PODN: variants seen among roughly 807,000 people sequenced by gnomAD.
The protein encoded by PODN is podocan proteoglycan.
A neutral mutation model predicts 52.7 loss-of-function variants in PODN; 40 were observed. The ratio of observed to expected loss-of-function variants is 0.76; its 90% confidence interval spans 0.59 to 0.99. The LOEUF is 0.99. Among genes scored for constraint, PODN ranks in the 50% least tolerant of loss-of-function variants. PODN has a pLI of 0.00. For synonymous variants in PODN, 396 were observed against 377.9 expected (o/e 1.05, Z -0.56); for missense variants, 720 against 815.1 (o/e 0.88, Z 1.42).
At chr1:53,075,389 G>C (rs775835727) in intron 4 of PODN, among the ~76,000 whole-genome samples, 10 of 152,156 alleles carry the variant, frequency 6.6e-5, no homozygotes, top group South Asian at 2.1e-4. Context: ...AGCCACAAAT[G>C]GTGCCTCTGG....
chr1:53,071,531 C>A lies in PODN; in HGVS notation c.313-4C>A. 6.2e-7 allele frequency: 1 copy of A among 1,613,046 alleles called. No homozygotes were observed. The highest frequency in any genetic ancestry group is 1.1e-5 in the South Asian group (1 of 90,970). Reference sequence around the variant, plus strand: ...TGCTTCCTTGCGGCCCCCTACCCCCCTAGAACAACCAGCTGGAAAAGATCT... The same window carrying A: ...TGCTTCCTTGCGGCCCCCTACCCCCATAGAACAACCAGCTGGAAAAGATCT... On this transcript the variant is annotated splice_region_variant and splice_polypyrimidine_tract_variant and intron_variant, in intron 2 of 10. Transcript: ENST00000312553.
rs745436823 is a variant in PODN, at chr1:53,080,779, G to A, written c.1564G>A (p.Glu522Lys). 2.5e-6 allele frequency: 4 copies of A among 1,614,088 alleles called. No homozygotes were observed. Among genetic ancestry groups the A allele is most frequent in the African/African-American group, 1.3e-5 (1 of 75,042 alleles). Residue 522 changes from glutamate (E) to lysine (K), a missense_variant, in exon 9 of 11, where the codon GAG becomes AAG. By Grantham distance (56) the Glu-to-Lys change is moderately conservative (BLOSUM62 1). Transcript: ENST00000312553. ...CACAGAGATCCCCGAGGGGCTCCCC[G>A]AGTCACTTGAGTACCTGTACCTGCA... ...QLTEIPEGLP[E>K]SLEYLYLQNN... is the part of the protein sequence containing the mutation.
At chr1:53,069,190 C>G (rs941554534) in intron 1 of PODN, among the ~76,000 whole-genome samples, 2 of 152,200 alleles carry the variant, frequency 1.3e-5, no homozygotes, top group African/African-American at 2.4e-5. Flanking sequence ...GCTGCTCCCC[C>G]TCTTCCCATG....
At chr1:53,067,978 A>G (rs576046105) in intron 1 of PODN, among the ~76,000 whole-genome samples, 18 of 151,316 alleles carry the variant, frequency 1.2e-4, no homozygotes, top group African/African-American at 3.2e-4. Flanking sequence ...AAGGAAAAGG[A>G]GCAGCAGCAG....
At chr1:53,068,487 G>T (rs1263376352) in intron 1 of PODN, among the ~76,000 whole-genome samples, 1 of 152,154 alleles carries the variant, frequency 6.6e-6, no homozygotes, top group Non-Finnish European at 1.5e-5. Context: ...GCAGCATGTT[G>T]CTGTGTGTCA....
intron 5 of PODN, 115 bp from the exon 6 acceptor site, chr1:53,077,075 C>A: frequency 2.3e-6 from 3 of 1,317,428 alleles, no homozygotes; most frequent in Non-Finnish European, 3.2e-6. Context: ...AACTCTGTAC[C>A]CTTGAGTTTG....
chr1:53,076,802 C>T (rs1162531666), intron 5 of PODN, among the ~76,000 whole-genome samples: 2 of 152,142 alleles, frequency 1.3e-5, no homozygotes, highest in Non-Finnish European at 2.9e-5. Flanking sequence ...CAGAGATAGG[C>T]CCTGTGTTTA....
chr1:53,070,256 T>C (rs931789293), intron 2 of PODN, 89 bp downstream of exon 2: 9 of 1,565,598 alleles, frequency 5.7e-6, no homozygotes, highest in Middle Eastern at 3.6e-4. Flanking sequence ...AAGCAAACTG[T>C]TCACCCAGAA....
rs764259810 is a variant in PODN at position 53,082,055 on chromosome 1, T to C, written c.1736T>C (p.Ile579Thr). Residue 579 changes from isoleucine to threonine, a missense_variant, in exon 10 of 11, where the codon ATT becomes ACT. Coordinates refer to ENST00000312553, the MANE Select transcript of PODN (RefSeq NM_153703.5). Reference protein sequence around the residue: ...RRLKHLQVLDIEGNLEFGDIS... With the variant: ...RRLKHLQVLDTEGNLEFGDIS... ...CTGAAGCACCTGCAGGTCTTGGACA[T>C]TGAAGGCAACTTAGAGTTTGGTGAC... 23 of 1,613,828 alleles carry C rather than the reference T, an allele frequency of 1.4e-5. No homozygotes were observed. The highest frequency in any genetic ancestry group is 5.3e-5 in the African/African-American group (4 of 74,968).
At chr1:53,065,158 G>A (rs1482967536) in intron 1 of PODN, among the ~76,000 whole-genome samples, 1 of 152,222 alleles carries the variant, frequency 6.6e-6, no homozygotes, top group Non-Finnish European at 1.5e-5. Context: ...TTCAAGAACA[G>A]CCTGGGCAAC....
intron 6 of PODN, among the ~76,000 whole-genome samples, 166 bp downstream of exon 6, chr1:53,077,512 C>T (rs543339388): frequency 2.0e-4 from 30 of 152,280 alleles, no homozygotes; most frequent in African/African-American, 7.2e-4. Context: ...GGCAGAAACC[C>T]GGGCACCTGG....
Position 53,077,298 on chromosome 1 carries a change from C to T in PODN, c.690C>T (p.Arg230=), listed in dbSNP as rs754258041. 2 of 1,613,388 alleles carry T rather than the reference C, an allele frequency of 1.2e-6. No homozygotes were observed. The highest frequency in any genetic ancestry group is 1.1e-5 in the South Asian group (1 of 91,088). ...EVLILSSNFL[R]HVPKHLPPAL... ...TCATCCTGTCCAGCAACTTCCTGCGCCACGTGCCCAAGCACCTGCCGCCTG... is the reference window on the plus strand; with the variant it reads ...TCATCCTGTCCAGCAACTTCCTGCGTCACGTGCCCAAGCACCTGCCGCCTG... Residue 230 remains arginine, a synonymous_variant, in exon 6 of 11, where the codon CGC becomes CGT. Coordinates refer to ENST00000312553, the MANE Select transcript of PODN (RefSeq NM_153703.5).
intron 8 of PODN, among the ~76,000 whole-genome samples, chr1:53,079,963 C>G (rs1644257634): frequency 7.2e-6 from 1 of 139,622 alleles, no homozygotes; most frequent in African/African-American, 2.7e-5. Context: ...CTACAGCACT[C>G]AATCCTGGAC....
intron 1 of PODN, among the ~76,000 whole-genome samples, chr1:53,065,243 C>T (rs1644014573): frequency 6.6e-6 from 1 of 152,150 alleles, no homozygotes. Flanking sequence ...GTAGTTTCAG[C>T]TACTCGGGAG....
Position 53,079,091 on chromosome 1 carries a change from C to G in PODN, c.1512+69C>G, listed in dbSNP as rs530460653. ...TACTGGCATGGCTGCCCTGAGCCCACCTGTCTGAAGGGTGAGGAGAAGGGC... is the reference window on the plus strand; with the variant it reads ...TACTGGCATGGCTGCCCTGAGCCCAGCTGTCTGAAGGGTGAGGAGAAGGGC... On this transcript the variant is annotated intron_variant, in intron 8 of 10. Coordinates refer to ENST00000312553, the MANE Select transcript of PODN (RefSeq NM_153703.5). 186 of 1,441,932 alleles carry G rather than the reference C, an allele frequency of 1.3e-4. 4 individuals carry two copies. The South Asian group carries it at 2.5e-3, about 19-fold the overall frequency. 89.3% of individuals were successfully genotyped at this position (1,441,932 alleles called of 1,614,324 possible).
rs1453281100 is a variant in PODN at position 53,077,696 on chromosome 1, G to A, written c.750G>A (p.Leu250=). ...LYKLHLKNNK[L]EKIPPGAFSE... ...CTTCCATCCCCCAGAACAACAAGCT[G>A]GAGAAGATCCCCCCGGGGGCCTTCA... is the stretch of plus-strand genomic sequence containing the variant. The change falls in exon 7 of 11, where the codon CTG becomes CTA. Residue 250 remains leucine (L), a synonymous_variant. Transcript: ENST00000312553. 1.2e-6 allele frequency: 2 copies of A among 1,612,908 alleles called. No homozygotes were observed. Among genetic ancestry groups the A allele is most frequent in the Admixed American group, 1.7e-5 (1 of 59,900 alleles).
Position 53,069,824 on chromosome 1 carries a change from G to T in PODN, c.-32G>T. 1 of 1,582,462 alleles carries T rather than the reference G, an allele frequency of 6.3e-7. No homozygotes were observed. The highest frequency in any genetic ancestry group is 8.6e-7 in the Non-Finnish European group (1 of 1,165,020). On this transcript the variant is annotated 5_prime_UTR_variant, in exon 2 of 11. Transcript: ENST00000312553. Reference sequence around the variant, plus strand: ...AGGTTCCGTCAGCCCTGGCGCCCAGGCGCATCTGACTCGGCACCCCCTGCA... The same window carrying T: ...AGGTTCCGTCAGCCCTGGCGCCCAGTCGCATCTGACTCGGCACCCCCTGCA...
At chr1:53,080,506 C>T (rs745967512) in intron 8 of PODN, among the ~76,000 whole-genome samples, 6 of 152,158 alleles carry the variant, frequency 3.9e-5, no homozygotes, top group South Asian at 2.1e-4. Flanking sequence ...CAGGCACACC[C>T]GGCTACAGCC....
At chr1:53,068,843 G>C (rs1261477807) in intron 1 of PODN, among the ~76,000 whole-genome samples, 1 of 152,140 alleles carries the variant, frequency 6.6e-6, no homozygotes, top group Non-Finnish European at 1.5e-5. Context: ...TCCTCTATGG[G>C]CCTGAGATCA....
Sources: gnomAD v4.1 joint callset for allele counts (sites outside exome capture counted in the v4.1 genomes callset) on GRCh38, gnomAD v4.1.1 for gene constraint, MANE v1.5 for transcripts, NCBI Gene and HGNC (gene_info 2026-07-23, HGNC 2026-07-21) for gene names.